Variants in TEK observed in about 807,000 individuals in gnomAD.
The protein encoded by TEK is angiopoietin-1 receptor.
Under a neutral mutation model 131.8 loss-of-function variants are expected in TEK, and 43 were observed. The ratio of observed to expected loss-of-function variants is 0.33; its 90% CI spans 0.26 to 0.42. The LOEUF is 0.42. Ranked by LOEUF, TEK falls within the 10% of genes least tolerant of loss-of-function variation. The pLI is 1.00. For missense variants in TEK, 1,162 were observed against 1,384.4 expected (o/e 0.84, Z 2.55); for synonymous variants, 580 against 491.6 (o/e 1.18, Z -2.38).
At position 27,184,724 on chromosome 9, in the gene TEK, G is replaced by A. The variant is rs186952857; in HGVS notation, c.1183-761G>A. Among the ~76,000 whole-genome samples, 671 of 152,176 alleles carry A rather than the reference G, an allele frequency of 4.4e-3. 19 individuals are homozygous for A. The highest frequency in any genetic ancestry group is 7.6e-4 in the Non-Finnish European group (52 of 67,996). The stretch of plus-strand genomic sequence containing the variant: ...GTGGGAACTGGCTGGGTGAAGTTAA[G>A]TAACTAAGGAATTGGTCAAAAATGG... On this transcript the variant is annotated intron_variant, in intron 8 of 22. Coordinates refer to ENST00000380036, the MANE Select transcript of TEK (RefSeq NM_000459.5).
chr9:27,132,969 T>C (rs985474638), intron 1 of TEK, among the ~76,000 whole-genome samples: 1 of 152,216 alleles, frequency 6.6e-6, no homozygotes, highest in Non-Finnish European at 1.5e-5. Flanking sequence ...ATTGTACATG[T>C]TCTGTTGTAT....
chr9:27,165,496 G>A (rs1041515798), intron 2 of TEK, among the ~76,000 whole-genome samples: 1 of 152,096 alleles, frequency 6.6e-6, no homozygotes, highest in African/African-American at 2.4e-5. Context: ...GCTCATTTTA[G>A]TGCTCTGGAG....
chr9:27,228,390 AAGAAG>A, intron 22 of TEK, 85 bp downstream of exon 22: 2 of 1,085,678 alleles, frequency 1.8e-6, no homozygotes, highest in Admixed American at 3.6e-5. Context: ...GAAATAATTG[AAGAAG>A]TTCTTCTTGG....
At chr9:27,208,642 G>T (rs1321518306) in intron 15 of TEK, among the ~76,000 whole-genome samples, 1 of 152,196 alleles carries the variant, frequency 6.6e-6, no homozygotes, top group South Asian at 2.1e-4. Flanking sequence ...TGCATTATTG[G>T]TGATGTTTCA....
At chr9:27,134,950 G>C (rs998753870) in intron 1 of TEK, among the ~76,000 whole-genome samples, 8 of 152,094 alleles carry the variant, frequency 5.3e-5, no homozygotes, top group African/African-American at 1.4e-4. Flanking sequence ...AACAAAAAGG[G>C]TGTGTAATAA....
chr9:27,138,548 C>T (rs1195932013), intron 1 of TEK, among the ~76,000 whole-genome samples: 1 of 152,144 alleles, frequency 6.6e-6, no homozygotes, highest in Non-Finnish European at 1.5e-5. Context: ...CCCACTTGAC[C>T]CAGGAAGTCC....
intron 1 of TEK, among the ~76,000 whole-genome samples, chr9:27,131,535 G>A (rs143136546): frequency 4.1e-4 from 61 of 149,496 alleles, no homozygotes; most frequent in African/African-American, 1.5e-3. Flanking sequence ...ATATGAAACA[G>A]TATTTGGCCA....
chr9:27,185,334 A>T, intron 8 of TEK, 151 bp from the exon 9 acceptor site: 1 of 984,718 alleles, frequency 1.0e-6, no homozygotes, highest in East Asian at 2.5e-5. Flanking sequence ...ATAGCTTTGG[A>T]AATAAGCCAA....
At chr9:27,214,261 C>T (rs1359884450) in intron 18 of TEK, among the ~76,000 whole-genome samples, 2 of 152,224 alleles carry the variant, frequency 1.3e-5, no homozygotes, top group Admixed American at 1.3e-4. Context: ...CTGCATGTTA[C>T]AGCTGTGTGG....
At chr9:27,175,263 T>G (rs1824121782) in intron 6 of TEK, among the ~76,000 whole-genome samples, 1 of 151,112 alleles carries the variant, frequency 6.6e-6, no homozygotes, top group African/African-American at 2.4e-5. Flanking sequence ...TTGTGATAGT[T>G]TACTGAGAAT....
intron 8 of TEK, 73 bp from the exon 9 acceptor site, chr9:27,185,411 TG>T: frequency 5.8e-6 from 9 of 1,539,574 alleles, no homozygotes; most frequent in Non-Finnish European, 8.1e-6. Flanking sequence ...AACAATGAGA[TG>T]GGGTCAATGT....
At chr9:27,188,946 T>C (rs1824704034) in intron 9 of TEK, among the ~76,000 whole-genome samples, 1 of 152,080 alleles carries the variant, frequency 6.6e-6, no homozygotes, top group South Asian at 2.1e-4. Flanking sequence ...GTGACTGTAA[T>C]TTTAAATAGG....
chr9:27,229,192 C>G lies in TEK; in HGVS notation c.3335C>G (p.Thr1112Ser), dbSNP rs1826462962. ...YVNTTLYEKF[T>S]YAGIDCSAEE... Reference sequence around the variant, plus strand: ...AATACCACGCTTTATGAGAAGTTTACTTATGCAGGAATTGACTGTTCTGCT... The same window carrying G: ...AATACCACGCTTTATGAGAAGTTTAGTTATGCAGGAATTGACTGTTCTGCT... The change falls in exon 23 of 23, where the codon ACT becomes AGT. Residue 1112 changes from threonine (T) to serine (S), a missense_variant. By Grantham distance (58) the Thr-to-Ser change is moderately conservative. This residue lies in a region of TEK where 84 missense variants were observed against 80.3 expected (regional missense o/e 1.05). Coordinates refer to ENST00000380036, the MANE Select transcript of TEK (RefSeq NM_000459.5). 1 of 1,613,852 alleles carries G rather than the reference C, an allele frequency of 6.2e-7. No individual in the cohort carries two copies.
At position 27,119,890 on chromosome 9, in the gene TEK, C is replaced by T. The variant is rs201955038; in HGVS notation, c.52+10248C>T. Among the ~76,000 whole-genome samples, 498 of 151,216 alleles carry T rather than the reference C, an allele frequency of 3.3e-3. 4 individuals are homozygous for T. The highest frequency in any genetic ancestry group is 0.012 in the African/African-American group (480 of 41,188). On this transcript the variant is annotated intron_variant, in intron 1 of 22. Transcript: ENST00000380036. Reference sequence around the variant, plus strand: ...CCATCCTGGTGTCTGTGTGCACATGCGTGTGTGTGTGTGCATGTGGGTGTG... The same window carrying T: ...CCATCCTGGTGTCTGTGTGCACATGTGTGTGTGTGTGTGCATGTGGGTGTG...
intron 12 of TEK, among the ~76,000 whole-genome samples, chr9:27,200,107 G>T (rs1825165677): frequency 6.6e-6 from 1 of 152,088 alleles, no homozygotes; most frequent in Non-Finnish European, 1.5e-5. Flanking sequence ...GCCACGTATT[G>T]AGTAGTCCCC....
At chr9:27,223,408 CAT>C (rs545641675) in intron 21 of TEK, among the ~76,000 whole-genome samples, 367 of 152,108 alleles carry the variant, frequency 2.4e-3, no homozygotes, top group African/African-American at 8.7e-3. Flanking sequence ...AAACGGAAAT[CAT>C]AACAGTTTCT....
chr9:27,210,276 CCACA>C (rs5897223), intron 16 of TEK: 5 of 151,214 alleles, frequency 3.3e-5, no homozygotes, highest in African/African-American at 7.3e-5. Flanking sequence ...CACACACATA[CCACA>C]CACACACACA....
At chr9:27,168,201 C>A (rs1267374004) in intron 2 of TEK, among the ~76,000 whole-genome samples, 3 of 152,132 alleles carry the variant, frequency 2.0e-5, no homozygotes, top group Non-Finnish European at 4.4e-5. Context: ...CTGAACTAAT[C>A]AACACAAAGT....
At chr9:27,176,589 G>A (rs1302905890) in intron 6 of TEK, among the ~76,000 whole-genome samples, 1 of 152,162 alleles carries the variant, frequency 6.6e-6, no homozygotes, top group Non-Finnish European at 1.5e-5. Context: ...TGTAGTTAAG[G>A]TGCAAAATGT....
Sources: allele counts gnomAD v4.1 joint callset (sites outside exome capture counted in the v4.1 genomes callset), GRCh38; gene constraint gnomAD v4.1.1; regional missense constraint gnomAD v4.1.1; transcripts MANE v1.5; gene names NCBI Gene and HGNC (gene_info 2026-07-23, HGNC 2026-07-21).